ASIC2: variants seen among roughly 807,000 people sequenced by gnomAD.
ASIC2 encodes the protein acid-sensing ion channel 2.
In ASIC2, 25 loss-of-function variants were observed where a neutral mutation model predicts 57.3. That is an observed-to-expected ratio of 0.44 (90% CI 0.32 to 0.61). The LOEUF is 0.61. ASIC2 is among the 20% of genes least tolerant of loss of function. The pLI, the probability that ASIC2 is intolerant of heterozygous loss-of-function variation, is 0.06. For synonymous variants in ASIC2, 319 were observed against 307.5 expected, an observed-to-expected ratio of 1.04 and a Z score of -0.39; for missense variants, 641 against 738.1, an observed-to-expected ratio of 0.87 and a Z score of 1.52.
At chr17:33,020,175 C>A (rs928981517) in intron 7 of ASIC2, among the ~76,000 whole-genome samples, 1 of 152,168 alleles carries the variant, frequency 6.6e-6, no homozygotes, top group Non-Finnish European at 1.5e-5. Context: ...GACACACCAG[C>A]TGAGCCCTGG....
chr17:33,661,324 G>A (rs139359662), intron 1 of ASIC2, among the ~76,000 whole-genome samples: 12 of 152,320 alleles, frequency 7.9e-5, no homozygotes, highest in Admixed American at 2.6e-4. Context: ...AAGGTAGTTC[G>A]TTTTGCATCG....
chr17:33,098,896 GTA>G (rs771375075), intron 2 of ASIC2, among the ~76,000 whole-genome samples: 2 of 149,142 alleles, frequency 1.3e-5, no homozygotes, highest in African/African-American at 2.5e-5. Context: ...TCTGCTTACA[GTA>G]TATATATATA....
chr17:34,097,285 A>T (rs1392310649), intron 1 of ASIC2, among the ~76,000 whole-genome samples: 1 of 152,174 alleles, frequency 6.6e-6, no homozygotes, highest in Non-Finnish European at 1.5e-5. Flanking sequence ...ACACCTAGCA[A>T]TATACATCAG....
chr17:34,006,804 G>C (rs1029536912), intron 1 of ASIC2: 1 of 152,166 alleles, frequency 6.6e-6, no homozygotes, highest in African/African-American at 2.4e-5. Flanking sequence ...AACTAGATAA[G>C]TTGGTCTTCG....
chr17:33,387,271 T>C (rs936790728), intron 1 of ASIC2, among the ~76,000 whole-genome samples: 3 of 152,170 alleles, frequency 2.0e-5, no homozygotes, highest in African/African-American at 7.2e-5. Context: ...GATGAAGAAA[T>C]TGAGGCTCAG....
chr17:33,120,601 A>C (rs2092298380), intron 1 of ASIC2, among the ~76,000 whole-genome samples: 1 of 152,166 alleles, frequency 6.6e-6, no homozygotes, highest in South Asian at 2.1e-4. Flanking sequence ...AGAATCCCAA[A>C]TTTGGTCTGA....
chr17:33,889,058 G>A (rs990738617), intron 1 of ASIC2, among the ~76,000 whole-genome samples: 30 of 152,166 alleles, frequency 2.0e-4, no homozygotes, highest in African/African-American at 7.2e-4. Flanking sequence ...GATGAGAGGG[G>A]AACCTACTCT....
intron 1 of ASIC2, among the ~76,000 whole-genome samples, chr17:33,811,468 A>G (rs1912420421): frequency 1.3e-5 from 2 of 152,190 alleles, no homozygotes; most frequent in Non-Finnish European, 2.9e-5. Context: ...GCATTGTTTC[A>G]TTTAATCTCC....
chr17:33,515,166 G>A (rs538403516), intron 1 of ASIC2, among the ~76,000 whole-genome samples: 1 of 152,366 alleles, frequency 6.6e-6, no homozygotes, highest in African/African-American at 2.4e-5. Flanking sequence ...ACAGGGCAGA[G>A]GAATTGCTCC....
intron 1 of ASIC2, among the ~76,000 whole-genome samples, chr17:33,491,151 T>C (rs1208766665): frequency 6.6e-6 from 1 of 152,186 alleles, no homozygotes; most frequent in Non-Finnish European, 1.5e-5. Flanking sequence ...GTCATTTTCC[T>C]GCATATCTCT....
chr17:33,802,575 A>G (rs1263178956), intron 1 of ASIC2, among the ~76,000 whole-genome samples: 1 of 152,184 alleles, frequency 6.6e-6, no homozygotes, highest in African/African-American at 2.4e-5. Flanking sequence ...AATAGTCCTG[A>G]ACCTGCTCCA....
chr17:34,052,439 G>A (rs1908603813), intron 1 of ASIC2, among the ~76,000 whole-genome samples: 1 of 152,106 alleles, frequency 6.6e-6, no homozygotes, highest in Admixed American at 6.6e-5. Context: ...TTCATGGCAA[G>A]TGGGAGTCTA....
intron 1 of ASIC2, among the ~76,000 whole-genome samples, chr17:33,233,255 T>A (rs1182692968): frequency 6.6e-6 from 1 of 150,920 alleles, no homozygotes; most frequent in East Asian, 1.9e-4. Flanking sequence ...GGATTTGACA[T>A]CTTGAGCCAA....
chr17:33,721,183 G>T (rs1909377778), intron 1 of ASIC2, among the ~76,000 whole-genome samples: 1 of 152,166 alleles, frequency 6.6e-6, no homozygotes, highest in African/African-American at 2.4e-5. Context: ...CAAATAACTT[G>T]TTGCACAGTC....
chr17:33,835,550 C>A (rs1913248434), intron 1 of ASIC2, among the ~76,000 whole-genome samples: 1 of 152,152 alleles, frequency 6.6e-6, no homozygotes, highest in Non-Finnish European at 1.5e-5. Flanking sequence ...CTTGTTCTCA[C>A]TTCTGTTGTC....
chr17:33,341,547 C>T (rs1175922988), intron 1 of ASIC2, among the ~76,000 whole-genome samples: 1 of 152,204 alleles, frequency 6.6e-6, no homozygotes, highest in Non-Finnish European at 1.5e-5. Flanking sequence ...GACCCCATGA[C>T]TTGCAAAGCA....
intron 1 of ASIC2, among the ~76,000 whole-genome samples, chr17:33,558,604 C>A (rs572128564): frequency 6.6e-6 from 1 of 152,194 alleles, no homozygotes; most frequent in African/African-American, 2.4e-5. Flanking sequence ...CAAACTTTCT[C>A]TTGAGGGCCA....
chr17:34,113,607 G>C (rs1037267266), intron 1 of ASIC2, among the ~76,000 whole-genome samples: 2 of 151,552 alleles, frequency 1.3e-5, no homozygotes, highest in Non-Finnish European at 2.9e-5. Context: ...GCCAGGCGTG[G>C]TGACTCATGC....
chr17:33,857,510 A>AC (rs1913992652), intron 1 of ASIC2, among the ~76,000 whole-genome samples: 1 of 152,200 alleles, frequency 6.6e-6, no homozygotes, highest in African/African-American at 2.4e-5. Context: ...GAAGAGAAGA[A>AC]GAAAAAACAA....
Sources: allele counts gnomAD v4.1 joint callset (sites outside exome capture counted in the v4.1 genomes callset), GRCh38; gene constraint gnomAD v4.1.1; transcripts MANE v1.5; gene names NCBI Gene and HGNC (gene_info 2026-07-23, HGNC 2026-07-21).